FUBP3: variants seen among roughly 807,000 people sequenced by gnomAD.
FUBP3 encodes the protein far upstream element binding protein 3.
Under a neutral mutation model 85.6 loss-of-function variants are expected in FUBP3, and 28 were observed. The observed-to-expected ratio is 0.33, with a 90% CI of 0.24 to 0.45. The LOEUF is 0.45. FUBP3 is among the 20% of genes least tolerant of loss of function. The probability of loss-of-function intolerance (pLI) is 1.00; values close to 1 mark genes in which losing one functional copy is unlikely to be tolerated. For missense variants in FUBP3, 583 were observed against 755.1 expected, an observed-to-expected ratio of 0.77 and a Z score of 2.67; for synonymous variants, 271 against 271.4, an observed-to-expected ratio of 1.00 and a Z score of 0.01.
chr9:130,625,746 C>T (rs1264099934), intron 11 of FUBP3, among the ~76,000 whole-genome samples: 1 of 152,190 alleles, frequency 6.6e-6, no homozygotes, highest in Non-Finnish European at 1.5e-5. Context: ...GGGGAGGAGG[C>T]CTTGGCAGGT....
intron 1 of FUBP3, among the ~76,000 whole-genome samples, chr9:130,584,116 A>G (rs977619174): frequency 1.4e-4 from 21 of 152,190 alleles, no homozygotes; most frequent in African/African-American, 4.8e-4. Flanking sequence ...GTTATTTCAT[A>G]AATAGAAATT....
intron 2 of FUBP3, among the ~76,000 whole-genome samples, chr9:130,604,969 G>A (rs370423024): frequency 2.6e-5 from 4 of 151,108 alleles, no homozygotes; most frequent in African/African-American, 9.7e-5. Flanking sequence ...GAACTAGTTA[G>A]TACAGACATA....
In FUBP3 at chr9:130,635,691, C is replaced by T. The variant is rs967991062; in HGVS notation, c.1583-308C>T. 1.3e-5 allele frequency among the ~76,000 whole-genome samples: 2 copies of T among 152,086 alleles called. No homozygotes were observed. The highest frequency in any genetic ancestry group is 4.8e-5 in the African/African-American group (2 of 41,406). On this transcript the variant is annotated intron_variant, in intron 17 of 18. Coordinates refer to ENST00000319725, the MANE Select transcript of FUBP3 (RefSeq NM_003934.2). The surrounding 1 kb of genome is among the most constrained non-coding windows in gnomAD (Gnocchi z 4.3). ...CCCCACCCCCACCCCAGGATCCCCC[C>T]TTCTCTGTCTGTCACAGGGCCCTGG...
At chr9:130,629,490 T>A (rs1292253363) in intron 12 of FUBP3, among the ~76,000 whole-genome samples, 2 of 152,274 alleles carry the variant, frequency 1.3e-5, no homozygotes, top group East Asian at 3.8e-4. Context: ...TTTTCATTCC[T>A]GGACCTCTGT....
At chr9:130,636,147 A>T in intron 18 of FUBP3, 21 bp downstream of exon 18, 1 of 1,609,040 alleles carries the variant, frequency 6.2e-7, no homozygotes, top group Non-Finnish European at 8.5e-7. Flanking sequence ...GATCACCAGC[A>T]CCGCTGCCAC....
intron 2 of FUBP3, among the ~76,000 whole-genome samples, chr9:130,598,784 C>T (rs959035474): frequency 6.6e-6 from 1 of 152,164 alleles, no homozygotes; most frequent in Non-Finnish European, 1.5e-5. Flanking sequence ...AAGTGAGTGC[C>T]ATCCCCTTAA....
intron 12 of FUBP3, among the ~76,000 whole-genome samples, chr9:130,629,869 C>G (rs543295391): frequency 2.5e-4 from 38 of 152,198 alleles, no homozygotes; most frequent in Non-Finnish European, 5.4e-4. Context: ...AGAGCAGATC[C>G]GCAAGTTCTG....
At chr9:130,585,752 A>G (rs1830314365) in intron 1 of FUBP3, among the ~76,000 whole-genome samples, 1 of 152,222 alleles carries the variant, frequency 6.6e-6, no homozygotes, top group African/African-American at 2.4e-5. Context: ...ACGTCAGGAA[A>G]TGTGGAGCTA....
In FUBP3 at chr9:130,579,653, G is replaced by A. The variant is rs899409674; in HGVS notation, c.-28G>A. ...GAGCGGCGGCGTCGGCGGCGTCGGC[G>A]GCGGCGGCGACGGCGGCGGGGGCGG... On this transcript the variant is annotated 5_prime_UTR_variant, in exon 1 of 19. Coordinates refer to ENST00000319725, the MANE Select transcript of FUBP3 (RefSeq NM_003934.2). 2.5e-6 allele frequency: 3 copies of A among 1,214,524 alleles called. No individual in the cohort carries two copies. The highest frequency in any genetic ancestry group is 3.2e-5 in the East Asian group (1 of 31,596). 75.2% of individuals were successfully genotyped at this position (1,214,524 alleles called of 1,614,324 possible).
At chr9:130,594,725 C>T (rs141302131) in intron 1 of FUBP3, among the ~76,000 whole-genome samples, 44 of 152,292 alleles carry the variant, frequency 2.9e-4, no homozygotes, top group African/African-American at 1.0e-3. Flanking sequence ...CATCACTGCA[C>T]TCCAGCCTGG....
In FUBP3 at chr9:130,620,443, A is replaced by G; in HGVS notation, c.756A>G (p.Gly252=). The G allele has an allele frequency of 6.3e-7, 1 of 1,583,684 alleles. No individual in the cohort carries two copies. The highest frequency in any genetic ancestry group is 1.1e-5 in the South Asian group (1 of 88,960). Residue 252 remains glycine (G), a synonymous_variant, in exon 9 of 19, where the codon GGA becomes GGG. Coordinates refer to ENST00000319725, the MANE Select transcript of FUBP3 (RefSeq NM_003934.2). ...GCGGCGATTTCAACTCTCGAATGGG[A>G]GGAGGCAGTATAGAGGTATGCTTAA... The part of the protein sequence containing the change: ...GVRGDFNSRM[G]GGSIEVSVPR...
intron 16 of FUBP3, among the ~76,000 whole-genome samples, chr9:130,633,046 G>A (rs1009272669): frequency 4.6e-5 from 7 of 152,348 alleles, no homozygotes; most frequent in African/African-American, 1.7e-4. Flanking sequence ...AGCCTGGCTC[G>A]GAGGGCCTGA....
At position 130,612,807 on chromosome 9, in the gene FUBP3, C is replaced by T. The variant is rs1048435517; in HGVS notation, c.275-149C>T. On this transcript the variant is annotated intron_variant, in intron 4 of 18. Coordinates refer to ENST00000319725, the MANE Select transcript of FUBP3 (RefSeq NM_003934.2). The surrounding 1 kb of genome is among the most constrained non-coding windows in gnomAD (Gnocchi z 4.1). ...ACAAGGGCTTTCTGCTGCCATCATG[C>T]CCAAAGAGTGGAGATGGGCTCACGG... 6.2e-6 allele frequency: 4 copies of T among 644,828 alleles called. No individual in the cohort carries two copies. The highest frequency in any genetic ancestry group is 1.1e-5 in the Non-Finnish European group (4 of 361,754). The allele number at this position is 644,828 out of a possible 1,614,324, so 39.9% of individuals were successfully genotyped here.
In FUBP3 at chr9:130,632,235, C is replaced by T. The variant is rs939877993; in HGVS notation, c.1467C>T (p.Gly489=). 9 of 1,613,906 alleles carry T rather than the reference C, an allele frequency of 5.6e-6. No individual in the cohort carries two copies. The highest frequency in any genetic ancestry group is 7.6e-6 in the Non-Finnish European group (9 of 1,179,944). The change falls in exon 16 of 19, where the codon GGC becomes GGT. Residue 489 remains glycine, a synonymous_variant. Coordinates refer to ENST00000319725, the MANE Select transcript of FUBP3 (RefSeq NM_003934.2). ...CGGCCTTTCTGACCCAGGGCTGGGG[C>T]AGCACCTACCAGGCGTGGCAGCAGC... The part of the protein sequence containing the change: ...GPPAFLTQGW[G]STYQAWQQPT...
At chr9:130,624,252 G>A (rs1829873375) in intron 11 of FUBP3, among the ~76,000 whole-genome samples, 1 of 152,240 alleles carries the variant, frequency 6.6e-6, no homozygotes, top group Non-Finnish European at 1.5e-5. Flanking sequence ...TCCCAGCTCT[G>A]CCATCAGTCA....
intron 6 of FUBP3, among the ~76,000 whole-genome samples, chr9:130,615,109 G>C (rs7040341): frequency 6.6e-6 from 1 of 152,016 alleles, no homozygotes; most frequent in African/African-American, 2.4e-5. Context: ...TGAGCTTAAA[G>C]TCTCTTGTTC....
chr9:130,581,861 C>G (rs149519442), intron 1 of FUBP3: 1 of 152,196 alleles, frequency 6.6e-6, no homozygotes. Context: ...TCGTAATACT[C>G]TCAGTTGACC....
Position 130,612,361 on chromosome 9 carries a change from T to C in FUBP3, c.225-95T>C. 2.7e-6 allele frequency: 2 copies of C among 739,580 alleles called. No individual in the cohort carries two copies. The highest frequency in any genetic ancestry group is 4.8e-6 in the Non-Finnish European group (2 of 420,120). 45.8% of individuals were successfully genotyped at this position (739,580 alleles called of 1,614,324 possible). The stretch of plus-strand genomic sequence containing the variant: ...TGGCCTGATGTATTTTAAGCTTTTA[T>C]CATGCAACATTGCCAGTATGGGCAG... On this transcript the variant is annotated intron_variant, in intron 3 of 18. Transcript: ENST00000319725. The surrounding 1 kb of genome is among the most constrained non-coding windows in gnomAD (Gnocchi z 4.1).
intron 1 of FUBP3, among the ~76,000 whole-genome samples, chr9:130,591,815 G>A (rs1830638508): frequency 6.6e-6 from 1 of 152,186 alleles, no homozygotes; most frequent in African/African-American, 2.4e-5. Context: ...ATCTAAATTA[G>A]GAATAGGAAG....
Sources: gnomAD v4.1 joint callset for allele counts (sites outside exome capture counted in the v4.1 genomes callset) on GRCh38, gnomAD v4.1.1 for gene constraint, Gnocchi (gnomAD v3.1) non-coding constraint, MANE v1.5 for transcripts, NCBI Gene and HGNC (gene_info 2026-07-23, HGNC 2026-07-21) for gene names.